Variants in TRAPPC12 observed in about 807,000 individuals in gnomAD.
TRAPPC12 encodes the protein TPR repeat protein 15.
A neutral mutation model predicts 69.2 loss-of-function variants in TRAPPC12; 61 were observed. The observed-to-expected ratio is 0.88, with a 90% CI of 0.72 to 1.09. The LOEUF is 1.09. Among genes scored for constraint, TRAPPC12 ranks in the 50% least tolerant of loss-of-function variants. The probability of loss-of-function intolerance (pLI) is 0.00; values close to 1 mark genes in which losing one functional copy is unlikely to be tolerated. For missense variants in TRAPPC12, 1,101 were observed against 1,016.4 expected, an observed-to-expected ratio of 1.08 and a Z score of -1.13; for synonymous variants, 469 against 438.9, an observed-to-expected ratio of 1.07 and a Z score of -0.86.
chr2:3,383,091 G>A lies in TRAPPC12; in HGVS notation c.-5+3215G>A, dbSNP rs558978703. Among the ~76,000 whole-genome samples, 25 of 152,046 alleles carry A rather than the reference G, an allele frequency of 1.6e-4. No individual in the cohort carries two copies. In the East Asian group the frequency reaches 4.6e-3, roughly 28 times the overall value. Reference sequence around the variant, plus strand: ...TGGTTTCTCAACATGGATGTTCAAAGGTATACCTCTTTCAGCTCTGTTGCT... The same window carrying A: ...TGGTTTCTCAACATGGATGTTCAAAAGTATACCTCTTTCAGCTCTGTTGCT... On this transcript the variant is annotated intron_variant, in intron 1 of 11. Coordinates refer to ENST00000324266, the MANE Select transcript of TRAPPC12 (RefSeq NM_016030.6).
chr2:3,388,275 T>A lies in TRAPPC12; in HGVS notation c.652T>A (p.Ser218Thr), dbSNP rs1660608250. 1 of 1,607,594 alleles carries A rather than the reference T, an allele frequency of 6.2e-7. No homozygotes were observed. Among genetic ancestry groups the A allele is most frequent in the African/African-American group, 1.4e-5 (1 of 73,916 alleles). Residue 218 changes from serine (S) to threonine (T), a missense_variant, in exon 2 of 12, where the codon TCC becomes ACC. Coordinates refer to ENST00000324266, the MANE Select transcript of TRAPPC12 (RefSeq NM_016030.6). ...CTTCGGAGACACGGCCGCCAGCCAC[T>A]CCTTGGCCTCGGACTTCTTCGACTC... is the stretch of plus-strand genomic sequence containing the variant. ...TFFGDTAASH[S>T]LASDFFDSFT...
chr2:3,450,141 C>T (rs994696808), intron 6 of TRAPPC12, among the ~76,000 whole-genome samples: 6 of 152,136 alleles, frequency 3.9e-5, no homozygotes, highest in African/African-American at 1.2e-4. Flanking sequence ...TGCCCAACCC[C>T]GCCACCCAGC....
intron 7 of TRAPPC12, chr2:3,460,017 G>T: frequency 1.7e-6 from 1 of 601,460 alleles, no homozygotes; most frequent in Non-Finnish European, 3.0e-6. Context: ...CTGATGCTGA[G>T]CAGCCACCCT....
At chr2:3,395,560 CTTTT>C (rs10671671) in intron 2 of TRAPPC12, among the ~76,000 whole-genome samples, 1 of 118,128 alleles carries the variant, frequency 8.5e-6, no homozygotes, top group Non-Finnish European at 1.7e-5. Context: ...AAAATTATTA[CTTTT>C]TTTTTTTTTT....
At chr2:3,454,434 G>A (rs560914893) in intron 6 of TRAPPC12, among the ~76,000 whole-genome samples, 1 of 149,870 alleles carries the variant, frequency 6.7e-6, no homozygotes, top group South Asian at 2.1e-4. Context: ...AGCCTGCCTG[G>A]TGTCTCCGTC....
chr2:3,458,481 G>A (rs1410649833), intron 7 of TRAPPC12: 2 of 984,876 alleles, frequency 2.0e-6, no homozygotes, highest in Non-Finnish European at 2.4e-6. Flanking sequence ...GGTTTCTGGG[G>A]AACTGCTGGC....
At chr2:3,395,462 A>G (rs1446215821) in intron 2 of TRAPPC12, among the ~76,000 whole-genome samples, 1 of 150,360 alleles carries the variant, frequency 6.7e-6, no homozygotes, top group African/African-American at 2.5e-5. Flanking sequence ...TGTTTTTGCA[A>G]TTTCTTAGGT....
At chr2:3,465,507 C>T (rs4971513) in intron 8 of TRAPPC12, 90 bp from the exon 9 acceptor site, 31 of 881,098 alleles carry the variant, frequency 3.5e-5, no homozygotes, top group African/African-American at 4.9e-5. Flanking sequence ...CTCTCTACAC[C>T]GCGTCTGTAT....
chr2:3,465,589 T>C lies in TRAPPC12; in HGVS notation c.1678-8T>C. 6.2e-7 allele frequency: 1 copy of C among 1,610,462 alleles called. No individual in the cohort carries two copies. Among genetic ancestry groups the C allele is most frequent in the Non-Finnish European group, 8.5e-7 (1 of 1,176,644 alleles). The stretch of plus-strand genomic sequence containing the variant: ...GCTCTAAAGTACGTTGGGTTTTTCT[T>C]CCCACAGGATTATGTGCTGGCCGTG... On this transcript the variant is annotated splice_region_variant and splice_polypyrimidine_tract_variant and intron_variant, in intron 8 of 11. Transcript: ENST00000324266.
chr2:3,409,749 TTAAAAAAAAAAAAA>T (rs1441585800), intron 3 of TRAPPC12, among the ~76,000 whole-genome samples: 3 of 88,708 alleles, frequency 3.4e-5, no homozygotes, highest in Non-Finnish European at 6.5e-5. Context: ...GACTTTGTCT[TTAAAAAAAAAAAAA>T]AAAAAAAAAA....
At chr2:3,454,949 A>G (rs1482915237) in intron 6 of TRAPPC12, 2 of 152,520 alleles carry the variant, frequency 1.3e-5, no homozygotes, top group African/African-American at 2.4e-5. Flanking sequence ...CTCGCCGCAT[A>G]GAGGATTTGC....
intron 9 of TRAPPC12, among the ~76,000 whole-genome samples, chr2:3,474,627 G>C (rs914121955): frequency 1.3e-5 from 2 of 152,180 alleles, no homozygotes; most frequent in Non-Finnish European, 2.9e-5. Flanking sequence ...CGTTTCCCCG[G>C]GTTTCTGCGT....
At chr2:3,430,601 T>C (rs989204501) in intron 5 of TRAPPC12, among the ~76,000 whole-genome samples, 3 of 152,278 alleles carry the variant, frequency 2.0e-5, no homozygotes, top group Admixed American at 6.5e-5. Context: ...TTGGGAAATA[T>C]TAATATCTTC....
intron 2 of TRAPPC12, among the ~76,000 whole-genome samples, chr2:3,394,756 CTG>C (rs1309355007): frequency 6.6e-6 from 1 of 152,178 alleles, no homozygotes; most frequent in Non-Finnish European, 1.5e-5. Flanking sequence ...TTGCTGATAA[CTG>C]AATTCCCACT....
At chr2:3,423,689 G>A (rs1662946681) in intron 4 of TRAPPC12, among the ~76,000 whole-genome samples, 2 of 152,204 alleles carry the variant, frequency 1.3e-5, no homozygotes, top group African/African-American at 2.4e-5. Context: ...TGAAAGCTGA[G>A]TGGTATTCCA....
chr2:3,403,556 T>G (rs1198672754), intron 3 of TRAPPC12, among the ~76,000 whole-genome samples: 1 of 152,218 alleles, frequency 6.6e-6, no homozygotes, highest in Admixed American at 6.5e-5. Context: ...TAAGCAAACT[T>G]TAGTTCCTAA....
chr2:3,465,222 C>T (rs926139384), intron 8 of TRAPPC12, among the ~76,000 whole-genome samples: 2 of 152,198 alleles, frequency 1.3e-5, no homozygotes, highest in African/African-American at 2.4e-5. Context: ...GATGAGACAG[C>T]GTTCGCCAAC....
At chr2:3,451,614 C>T (rs1190374105) in intron 6 of TRAPPC12, among the ~76,000 whole-genome samples, 3 of 152,036 alleles carry the variant, frequency 2.0e-5, no homozygotes, top group Non-Finnish European at 4.4e-5. Context: ...GCCTTGACCT[C>T]CCCGGTTCAA....
chr2:3,419,909 GGAAGGCAA>G (rs1479245044), intron 3 of TRAPPC12, among the ~76,000 whole-genome samples: 1 of 152,232 alleles, frequency 6.6e-6, no homozygotes, highest in East Asian at 1.9e-4. Context: ...TCACTGCTAG[GGAAGGCAA>G]GATGGCACGG....
Sources: gnomAD v4.1 joint callset for allele counts (sites outside exome capture counted in the v4.1 genomes callset) on GRCh38, gnomAD v4.1.1 for gene constraint, MANE v1.5 for transcripts, NCBI Gene and HGNC (gene_info 2026-07-23, HGNC 2026-07-21) for gene names.